The following KNOP1 variants were observed in gnomAD, a reference collection of about 807,000 sequenced individuals.
KNOP1 encodes the protein lysine-rich nucleolar protein 1.
KNOP1 carries 20 observed loss-of-function variants against 30.6 expected under a neutral mutation model. The observed-to-expected ratio is 0.65, with a 90% CI of 0.46 to 0.95. KNOP1 has a LOEUF of 0.95. Ranked by LOEUF, KNOP1 falls within the 40% of genes least tolerant of loss-of-function variation. The pLI, the probability that KNOP1 is intolerant of heterozygous loss-of-function variation, is 0.00. For missense variants in KNOP1, 540 were observed against 562.0 expected (o/e 0.96, Z 0.40); for synonymous variants, 204 against 210.0 (o/e 0.97, Z 0.25).
rs999511077 is a variant in KNOP1 at position 19,703,476 on chromosome 16, T to TAACA, written c.*3430_*3433dup. 1 of 152,180 alleles carries TAACA rather than the reference T, an allele frequency of 6.6e-6. No individual in the cohort carries two copies. The highest frequency in any genetic ancestry group is 2.4e-5 in the African/African-American group (1 of 41,436). The allele number at this position is 152,180 out of a possible 1,614,324, so 9.4% of individuals were successfully genotyped here. On this transcript the variant is annotated 3_prime_UTR_variant, in exon 5 of 5. Transcript: ENST00000219837. ...CTTAATTCCCTTTTGTTTCGTAACCTAACAAATACACAGGTTCTGAGGAGA... is the reference window on the plus strand; with the variant it reads ...CTTAATTCCCTTTTGTTTCGTAACCTAACAAACAAATACACAGGTTCTGAGGAGA...
At chr16:19,711,325 G>A in intron 3 of KNOP1, 47 bp downstream of exon 3, 1 of 1,584,484 alleles carries the variant, frequency 6.3e-7, no homozygotes, top group Non-Finnish European at 8.7e-7. Flanking sequence ...AGACTCCAAG[G>A]GTGGCAGGAG....
In KNOP1 at chr16:19,714,144, C is replaced by CA; in HGVS notation, c.891dup (p.Gly298TrpfsTer27). 6.2e-7 allele frequency: 1 copy of CA among 1,612,644 alleles called. No individual in the cohort carries two copies. The highest frequency in any genetic ancestry group is 1.3e-5 in the African/African-American group (1 of 74,732). Reference sequence around the variant, plus strand: ...TCCTTCCAAGGGTCTCCTGCTACCCCACTCTCTTTCCTCTTCTTCTTTTTC... The same window carrying CA: ...TCCTTCCAAGGGTCTCCTGCTACCCCAACTCTCTTTCCTCTTCTTCTTTTTC... On this transcript the variant is annotated frameshift_variant, in exon 2 of 5. Transcript: ENST00000219837. LOFTEE classifies it high-confidence loss of function.
At chr16:19,707,957 A>C (rs1173225810) in intron 4 of KNOP1, among the ~76,000 whole-genome samples, 5 of 51,312 alleles carry the variant, frequency 9.7e-5, no homozygotes, top group Non-Finnish European at 1.5e-4. Flanking sequence ...TATACAGCGC[A>C]CCTCCCCCCA....
rs770814041 is a variant in KNOP1, at chr16:19,710,626, G to C, written c.988-40C>G. The C allele has an allele frequency of 8.4e-6, 13 of 1,550,346 alleles. No individual in the cohort carries two copies. The South Asian group carries it at 1.2e-4, about 15-fold the overall frequency. ...TGACAGAAGAGGGCCGTCAGACAGA[G>C]ATCTTCTTTCAAGCTTAAAACCCAG... On this transcript the variant is annotated intron_variant, in intron 3 of 4. Coordinates refer to ENST00000219837, the MANE Select transcript of KNOP1 (RefSeq NM_001012991.3).
intron 1 of KNOP1, chr16:19,715,369 A>AT (rs1477817053): frequency 3.7e-5 from 8 of 215,716 alleles, no homozygotes; most frequent in Non-Finnish European, 6.3e-5. Context: ...GAGATAACCC[A>AT]TGGAAAGGGC....
chr16:19,713,782 G>T (rs1330579036), intron 2 of KNOP1, among the ~76,000 whole-genome samples: 1 of 152,174 alleles, frequency 6.6e-6, no homozygotes, highest in African/African-American at 2.4e-5. Flanking sequence ...AGTTCAGAAA[G>T]CAAGGGATTC....
At chr16:19,710,481 C>T in intron 4 of KNOP1, 28 bp downstream of exon 4, 2 of 1,612,654 alleles carry the variant, frequency 1.2e-6, no homozygotes, top group Non-Finnish European at 1.7e-6. Flanking sequence ...CGTGCCACCT[C>T]CTCGCAGAGC....
chr16:19,715,132 G>T, intron 1 of KNOP1, 95 bp from the exon 2 acceptor site: 3 of 860,234 alleles, frequency 3.5e-6, no homozygotes, highest in Non-Finnish European at 5.2e-6. Flanking sequence ...TTGAGTGGGT[G>T]GTCAAAGCGT....
chr16:19,715,773 C>A (rs765047473), intron 1 of KNOP1, among the ~76,000 whole-genome samples: 1 of 152,052 alleles, frequency 6.6e-6, no homozygotes, highest in Non-Finnish European at 1.5e-5. Flanking sequence ...GAATGAGTCA[C>A]AATGATGCAC....
chr16:19,714,355 G>A lies in KNOP1; in HGVS notation c.681C>T (p.Gly227=). Residue 227 remains glycine (G), a synonymous_variant, in exon 2 of 5, where the codon GGC becomes GGT. Coordinates refer to ENST00000219837, the MANE Select transcript of KNOP1 (RefSeq NM_001012991.3). ...KIHQEGDALP[G]HSKPSRSMES... is the part of the protein sequence containing the mutation. ...CCATGGACCTGGAGGGCTTGGAGTG[G>A]CCTGGGAGGGCATCTCCCTCCTGGT... 6 of 1,613,942 alleles carry A rather than the reference G, an allele frequency of 3.7e-6. No homozygotes were observed. The highest frequency in any genetic ancestry group is 5.1e-6 in the Non-Finnish European group (6 of 1,179,958).
chr16:19,713,935 A>G (rs377325199), intron 2 of KNOP1, among the ~76,000 whole-genome samples, 183 bp downstream of exon 2: 1 of 152,190 alleles, frequency 6.6e-6, no homozygotes, highest in African/African-American at 2.4e-5. Context: ...CTAGTTAACC[A>G]TAACCTTTCC....
chr16:19,715,224 C>T (rs975391515), intron 1 of KNOP1, 187 bp from the exon 2 acceptor site: 20 of 504,088 alleles, frequency 4.0e-5, no homozygotes, highest in African/African-American at 4.0e-4. Context: ...TAAATCCACA[C>T]AGCCCTAGGT....
At position 19,707,078 on chromosome 16, in the gene KNOP1, G is replaced by C. The variant is rs777015287; in HGVS notation, c.1209C>G (p.Ala403=). The C allele has an allele frequency of 2.9e-5, 47 of 1,614,066 alleles. No individual in the cohort carries two copies. The highest frequency in any genetic ancestry group is 4.0e-5 in the Non-Finnish European group (47 of 1,180,050). ...PASTIARPNM[A]LGKKAADSLQ... ...GGCTGTCAGCCGCCTTCTTGCCGAG[G>C]GCCATGTTGGGCCTTGCAATCGTGC... The change falls in exon 5 of 5, where the codon GCC becomes GCG. Residue 403 remains alanine, a synonymous_variant. Transcript: ENST00000219837.
chr16:19,710,911 C>CAAA (rs547237111), intron 3 of KNOP1, among the ~76,000 whole-genome samples: 5 of 80,612 alleles, frequency 6.2e-5, no homozygotes, highest in Admixed American at 1.2e-4. Context: ...GACTCCGTCT[C>CAAA]AAAAAAAAAA....
At position 19,710,690 on chromosome 16, in the gene KNOP1, C is replaced by G. The variant is rs1032444329; in HGVS notation, c.988-104G>C. 2.8e-5 allele frequency: 24 copies of G among 852,034 alleles called. No individual in the cohort carries two copies. The East Asian group carries it at 5.1e-4, about 18-fold the overall frequency. The allele number at this position is 852,034 out of a possible 1,614,324, so 52.8% of individuals were successfully genotyped here. ...CTGGGGGAACGGAACGTGGGAGGAA[C>G]TAACACAGCTTGACTCTGCTACAAA... On this transcript the variant is annotated intron_variant, in intron 3 of 4. Coordinates refer to ENST00000219837, the MANE Select transcript of KNOP1 (RefSeq NM_001012991.3).
In KNOP1 at chr16:19,703,027, C is replaced by A. The variant is rs1357448608; in HGVS notation, c.*3883G>T. The A allele has an allele frequency of 3.6e-5, 5 of 139,104 alleles. No homozygotes were observed. The highest frequency in any genetic ancestry group is 2.2e-4 in the South Asian group (1 of 4,536). 8.6% of individuals were successfully genotyped at this position (139,104 alleles called of 1,614,324 possible). A position where few individuals can be genotyped will look rare whatever the true frequency, so the allele number is the denominator to read the frequency against. ...AAAAAAAAAGAAAGAAAAACAAAACCATGGCAACTTCCACATGAGACTTAC... is the reference window on the plus strand; with the variant it reads ...AAAAAAAAAGAAAGAAAAACAAAACAATGGCAACTTCCACATGAGACTTAC... On this transcript the variant is annotated 3_prime_UTR_variant, in exon 5 of 5. Transcript: ENST00000219837.
Position 19,703,385 on chromosome 16 carries a change from T to G in KNOP1, c.*3525A>C, listed in dbSNP as rs1408929688. 6.6e-6 allele frequency: 1 copy of G among 152,174 alleles called. No individual in the cohort carries two copies. The highest frequency in any genetic ancestry group is 1.5e-5 in the Non-Finnish European group (1 of 68,026). The allele number at this position is 152,174 out of a possible 1,614,324, so 9.4% of individuals were successfully genotyped here. On this transcript the variant is annotated 3_prime_UTR_variant, in exon 5 of 5. Transcript: ENST00000219837. ...CCTCTTCCACATTTAGGGATCTTTG[T>G]GATTCCTCCGGCCCACCCAGAAACA...
Position 19,703,828 on chromosome 16 carries a change from G to C in KNOP1, c.*3082C>G, listed in dbSNP as rs544617667. ...AAGACACCCAGCATTGTGGTGTCTTGGCTGCCCAACCTCCACTGGTGAGAC... is the reference window on the plus strand; with the variant it reads ...AAGACACCCAGCATTGTGGTGTCTTCGCTGCCCAACCTCCACTGGTGAGAC... On this transcript the variant is annotated 3_prime_UTR_variant, in exon 5 of 5. Transcript: ENST00000219837. The C allele has an allele frequency of 5.9e-4, 90 of 152,294 alleles. No homozygotes were observed. Among genetic ancestry groups the C allele is most frequent in the African/African-American group, 2.0e-3 (84 of 41,564 alleles). The allele number at this position is 152,294 out of a possible 1,614,324, so 9.4% of individuals were successfully genotyped here.
chr16:19,711,226 G>T, intron 3 of KNOP1, 146 bp downstream of exon 3: 2 of 755,364 alleles, frequency 2.6e-6, no homozygotes, highest in Non-Finnish European at 4.6e-6. Flanking sequence ...GGCCCGGGAG[G>T]TGTGCGTTGG....
Sources: gnomAD v4.1 joint callset for allele counts (sites outside exome capture counted in the v4.1 genomes callset) on GRCh38, gnomAD v4.1.1 for gene constraint, MANE v1.5 for transcripts, NCBI Gene and HGNC (gene_info 2026-07-23, HGNC 2026-07-21) for gene names.